Variants in OGFOD2 observed in about 807,000 individuals in gnomAD.
The protein encoded by OGFOD2 is 2-oxoglutarate and iron dependent oxygenase domain containing 2.
In OGFOD2, 34 loss-of-function variants were observed where a neutral mutation model predicts 31.1. That is an observed-to-expected ratio of 1.09 (90% CI 0.83 to 1.45). OGFOD2 has a LOEUF of 1.45. Ranked by LOEUF, OGFOD2 falls within the 40% of genes most tolerant of loss-of-function variation. The pLI is 0.00. For missense variants in OGFOD2, 537 were observed against 433.9 expected (o/e 1.24, Z -2.11); for synonymous variants, 240 against 192.3 (o/e 1.25, Z -2.05).
At chr12:122,975,889 A>G in intron 2 of OGFOD2, 22 bp downstream of exon 2, 1 of 699,290 alleles carries the variant, frequency 1.4e-6, no homozygotes, top group Non-Finnish European at 2.6e-6. Flanking sequence ...CTGCCCCTGC[A>G]CAGCTCCTCC....
chr12:122,979,493 G>GAA, exon 7 of OGFOD2: 2 of 1,051,754 alleles, frequency 1.9e-6, no homozygotes, highest in Non-Finnish European at 2.7e-6. Flanking sequence ...CAAAGATGCT[G>GAA]CCTTAGTTCA....
exon 7 of OGFOD2, chr12:122,979,859 GA>G (rs1185017956): frequency 4.3e-6 from 1 of 234,318 alleles, no homozygotes; most frequent in Non-Finnish European, 8.2e-6. Context: ...CTAGATGGCA[GA>G]GGGGTGAATG....
At position 122,976,987 on chromosome 12, in the gene OGFOD2, G is replaced by A; in HGVS notation, c.403+17G>A. The stretch of plus-strand genomic sequence containing the variant: ...CAGTATCGGGTGAGGTCCTGGCCCT[G>A]AGACCTGGCAGGACCAGGGAATGGC... On this transcript the variant is annotated intron_variant, in intron 4 of 6. Coordinates refer to ENST00000228922, the Ensembl canonical transcript of OGFOD2. The A allele has an allele frequency of 6.2e-7, 1 of 1,608,376 alleles. No individual in the cohort carries two copies. The highest frequency in any genetic ancestry group is 8.5e-7 in the Non-Finnish European group (1 of 1,176,086).
At chr12:122,975,945 C>T in intron 2 of OGFOD2, 78 bp downstream of exon 2, 1 of 682,838 alleles carries the variant, frequency 1.5e-6, no homozygotes, top group Non-Finnish European at 2.7e-6. Context: ...TTGAGCCTAG[C>T]CTCAGTCCCT....
At chr12:122,980,026 T>C in exon 7 of OGFOD2, 1 of 461,410 alleles carries the variant, frequency 2.2e-6, no homozygotes, top group Non-Finnish European at 3.5e-6. Flanking sequence ...CTGACGTATA[T>C]AAAGTGCTTT....
At chr12:122,976,563 G>A in intron 2 of OGFOD2, 91 bp from the exon 3 acceptor site, 1 of 1,307,940 alleles carries the variant, frequency 7.6e-7, no homozygotes, top group Non-Finnish European at 1.1e-6. Context: ...CCTGGGCCCT[G>A]TCTGGCGTTC....
chr12:122,976,518 T>C (rs2037435411), intron 2 of OGFOD2, 136 bp from the exon 3 acceptor site: 2 of 1,341,362 alleles, frequency 1.5e-6, no homozygotes, highest in Non-Finnish European at 1.1e-6. Context: ...TTGACCCAGA[T>C]AGATTCAGGA....
rs376678539 is a variant in OGFOD2 at position 122,978,984 on chromosome 12, G to A, written c.763G>A (p.Ala255Thr). The A allele has an allele frequency of 1.7e-5, 28 of 1,612,884 alleles. No individual in the cohort carries two copies. The highest frequency in any genetic ancestry group is 5.3e-5 in the African/African-American group (4 of 74,918). The stretch of plus-strand genomic sequence containing the variant: ...CTTGGGCAAGGTCTTCACAGGGGGC[G>A]CCCTGTATTTTGGGGGCCTCTTCCA... The change falls in exon 6 of 7, where the codon GCC becomes ACC. Residue 255 changes from alanine to threonine, a missense_variant. Physicochemically the swap from Ala to Thr is moderately conservative, Grantham distance 58 (BLOSUM62 0). Transcript: ENST00000228922.
exon 1 of OGFOD2, chr12:122,975,354 G>A (rs761922748): frequency 4.3e-6 from 3 of 701,314 alleles, no homozygotes; most frequent in South Asian, 1.5e-5. Flanking sequence ...CTTCCGAGGC[G>A]AGCAGCAGCT....
In OGFOD2 at chr12:122,976,648, C is replaced by T. The variant is rs777673562; in HGVS notation, c.190-6C>T. On this transcript the variant is annotated splice_region_variant and splice_polypyrimidine_tract_variant and intron_variant, in intron 2 of 6. Transcript: ENST00000228922. ...CCCACCTGGTAACAACCCTGTGCCA[C>T]CCCAGCTTGAGCAGGAGGTGGAGCG... 2 of 1,588,568 alleles carry T rather than the reference C, an allele frequency of 1.3e-6. No homozygotes were observed. The highest frequency in any genetic ancestry group is 2.2e-5 in the East Asian group (1 of 44,782).
chr12:122,978,752 G>T lies in OGFOD2; in HGVS notation c.532-1G>T, dbSNP rs1309527948. The T allele has an allele frequency of 3.1e-6, 5 of 1,606,914 alleles. No homozygotes were observed. The highest frequency in any genetic ancestry group is 2.5e-6 in the Non-Finnish European group (3 of 1,176,610). ...TGCTGACCCCAGGAATCCCCTCCCA[G>T]GTGCTGCTGCACGAGCTCGGGCTGG... On this transcript the variant is annotated splice_acceptor_variant, in intron 5 of 6. Transcript: ENST00000228922. LOFTEE classifies it high-confidence loss of function.
chr12:122,975,425 G>T (rs950512903), intron 1 of OGFOD2, 42 bp downstream of exon 1: 1 of 650,508 alleles, frequency 1.5e-6, no homozygotes, highest in South Asian at 1.6e-5. Context: ...TGGGCAGAGA[G>T]GGGTAGTGGA....
Position 122,979,107 on chromosome 12 carries a change from C to T in OGFOD2, c.814C>T (p.Leu272=), listed in dbSNP as rs376695081. 123 of 1,601,456 alleles carry T rather than the reference C, an allele frequency of 7.7e-5. No homozygotes were observed. The African/African-American group carries it at 1.4e-3, about 19-fold the overall frequency. ...GGCACCCACAGCCCTGACGGAGCCC[C>T]TGGAGGTGGAGCACGTGGTGGGCCA... The change falls in exon 7 of 7, where the codon CTG becomes TTG. Residue 272 remains leucine, a synonymous_variant. Transcript: ENST00000228922.
At chr12:122,976,797 G>C (rs372416136) in intron 3 of OGFOD2, 30 bp downstream of exon 3, 1 of 1,604,444 alleles carries the variant, frequency 6.2e-7, no homozygotes, top group South Asian at 1.1e-5. Context: ...CTTGAAGGCC[G>C]GTACTGGAAA....
rs75086454 is a variant in OGFOD2, at chr12:122,978,495, C to G, written c.457C>G (p.Leu153Val). The G allele has an allele frequency of 7.4e-4, 1,196 of 1,613,604 alleles. 15 individuals are homozygous for G. In the African/African-American group the frequency reaches 0.014, roughly 19 times the overall value. Residue 153 changes from leucine (L) to valine (V), a missense_variant, in exon 5 of 7, where the codon CTG (leucine) becomes GTG (valine). Leu to Val is a conservative substitution (Grantham distance 32). Coordinates refer to ENST00000228922, the Ensembl canonical transcript of OGFOD2. ...TTTCACAGCGCCCTTCTGCCAGGCC[C>G]TGCTGGAAGAGCTGGAGCACTTCGA... is the stretch of plus-strand genomic sequence containing the variant.
At chr12:122,976,521 AT>A (rs1254321977) in intron 2 of OGFOD2, 132 bp from the exon 3 acceptor site, 2 of 1,333,438 alleles carry the variant, frequency 1.5e-6, no homozygotes, top group Non-Finnish European at 2.1e-6. Flanking sequence ...ACCCAGATAG[AT>A]TCAGGAGTGT....
intron 2 of OGFOD2, 156 bp from the exon 3 acceptor site, chr12:122,976,498 G>T: frequency 1.4e-6 from 2 of 1,431,540 alleles, no homozygotes; most frequent in South Asian, 1.2e-5. Context: ...TAACAGTCTG[G>T]AACTTGCAGT....
At chr12:122,979,498 A>AAG in exon 7 of OGFOD2, 2 of 1,015,788 alleles carry the variant, frequency 2.0e-6, no homozygotes, top group Non-Finnish European at 2.8e-6. Flanking sequence ...ATGCTGCCTT[A>AAG]GTTCAGGTTT....
rs368737766 is a variant in OGFOD2, at chr12:122,979,121, C to G, written c.828C>G (p.His276Gln). The G allele has an allele frequency of 2.5e-6, 4 of 1,602,482 alleles. No homozygotes were observed. The African/African-American group carries it at 4.0e-5, about 16-fold the overall frequency. ...TGACGGAGCCCCTGGAGGTGGAGCA[C>G]GTGGTGGGCCAGGGTGTCCTCCACC... Residue 276 changes from histidine (H) to glutamine (Q), a missense_variant, in exon 7 of 7, where the codon CAC becomes CAG. His to Gln is a conservative substitution (Grantham distance 24). Transcript: ENST00000228922.
Sources: allele counts gnomAD v4.1 joint callset, GRCh38; gene constraint gnomAD v4.1.1; transcripts MANE v1.5; gene names NCBI Gene and HGNC (gene_info 2026-07-23, HGNC 2026-07-21).